Variants in ZFHX3 observed in about 807,000 individuals in gnomAD.
ZFHX3 encodes the protein zinc finger homeobox 3.
In ZFHX3, 42 loss-of-function variants were observed where a neutral mutation model predicts 279.1. The ratio of observed to expected loss-of-function variants is 0.15; its 90% CI spans 0.12 to 0.19. ZFHX3 has a LOEUF of 0.19. ZFHX3 is among the 10% of genes least tolerant of loss of function. The pLI is 1.00. For synonymous variants in ZFHX3, 2,293 were observed against 1,957.8 expected (o/e 1.17, Z -4.52); for missense variants, 4,981 against 4,754.0 (o/e 1.05, Z -1.40).
chr16:73,632,018 T>A (rs1207451215), intron 2 of ZFHX3, among the ~76,000 whole-genome samples: 1 of 151,814 alleles, frequency 6.6e-6, no homozygotes, highest in Non-Finnish European at 1.5e-5. Context: ...AAGTAAGCAA[T>A]TTTCTTTAAA....
At chr16:73,380,839 T>C (rs1294881498) in intron 3 of ZFHX3, among the ~76,000 whole-genome samples, 2 of 152,140 alleles carry the variant, frequency 1.3e-5, no homozygotes, top group African/African-American at 2.4e-5. Flanking sequence ...ACCCCATCTC[T>C]ACAAGAGGAA....
intron 5 of ZFHX3, among the ~76,000 whole-genome samples, chr16:73,175,355 A>G (rs1460231647): frequency 1.3e-5 from 2 of 151,836 alleles, no homozygotes; most frequent in Non-Finnish European, 2.9e-5. Context: ...ACTCTAGCCT[A>G]GGCAACAGAG....
chr16:72,953,072 A>G (rs1297100982), intron 2 of ZFHX3, among the ~76,000 whole-genome samples: 1 of 152,180 alleles, frequency 6.6e-6, no homozygotes, highest in East Asian at 1.9e-4. Context: ...TTGACGCTAC[A>G]CAAGTCACCT....
At chr16:73,434,683 G>C (rs575614551) in intron 3 of ZFHX3, among the ~76,000 whole-genome samples, 5 of 152,162 alleles carry the variant, frequency 3.3e-5, no homozygotes, top group African/African-American at 1.2e-4. Context: ...TAACATCATT[G>C]AGGTTGATCT....
upstream of ZFHX3, among the ~76,000 whole-genome samples, chr16:73,060,058 T>C (rs1290305630): frequency 6.6e-6 from 1 of 152,094 alleles, no homozygotes; most frequent in African/African-American, 2.4e-5. Flanking sequence ...AAAGCAGATG[T>C]TTTCAAAACA....
At position 72,839,088 on chromosome 16, in the gene ZFHX3, T is replaced by TC. The variant is rs1357858174; in HGVS notation, c.3449-9230dup. ...AGAGCCATGATTGTTGCTGTTACTTTCACACATGAAATGTAAAAAAGGCAA... is the reference window on the plus strand; with the variant it reads ...AGAGCCATGATTGTTGCTGTTACTTTCCACACATGAAATGTAAAAAAGGCAA... On this transcript the variant is annotated intron_variant, in intron 4 of 9. Transcript: ENST00000268489. 1.1e-4 allele frequency among the ~76,000 whole-genome samples: 16 copies of TC among 152,252 alleles called. No individual in the cohort carries two copies. The South Asian group carries it at 1.7e-3, about 16-fold the overall frequency.
At chr16:72,862,553 G>T (rs12596196) in intron 4 of ZFHX3, among the ~76,000 whole-genome samples, 1 of 152,170 alleles carries the variant, frequency 6.6e-6, no homozygotes, top group Admixed American at 6.5e-5. Context: ...TTTGGGCAAT[G>T]ATCATCAATG....
In ZFHX3 at chr16:73,617,741, C is replaced by A. The variant is rs192987566; in HGVS notation, c.-1547+62439G>T. Among the ~76,000 whole-genome samples, 555 of 152,132 alleles carry A rather than the reference C, an allele frequency of 3.6e-3. 4 individuals are homozygous for A. Among genetic ancestry groups the A allele is most frequent in the African/African-American group, 0.013 (521 of 41,506 alleles). ...GCAACTGTGTTATAAAAAAGTATAC[C>A]ATTGGGAGGGCTCTCAAAATGTTAA... On this transcript the variant is annotated intron_variant, in intron 2 of 17. Coordinates refer to the ZFHX3 transcript ENST00000641206.
intron 3 of ZFHX3, among the ~76,000 whole-genome samples, chr16:72,910,057 G>C (rs868323489): frequency 1.3e-5 from 2 of 151,984 alleles, no homozygotes; most frequent in Admixed American, 6.6e-5. Flanking sequence ...TAACTTTCTC[G>C]TCAGTGTGCT....
intron 5 of ZFHX3, among the ~76,000 whole-genome samples, chr16:73,163,231 G>C (rs1967281152): frequency 6.6e-6 from 1 of 152,188 alleles, no homozygotes; most frequent in African/African-American, 2.4e-5. Flanking sequence ...TACTGAGCCA[G>C]GTGCAGGGAT....
At chr16:72,821,809 G>A (rs1022955090) in intron 5 of ZFHX3, 30 of 152,204 alleles carry the variant, frequency 2.0e-4, no homozygotes, top group African/African-American at 7.2e-4. Context: ...CACAGAGTCT[G>A]GCACATAGTG....
chr16:72,827,216 C>T (rs2036954288), intron 5 of ZFHX3, among the ~76,000 whole-genome samples: 1 of 152,188 alleles, frequency 6.6e-6, no homozygotes, highest in Non-Finnish European at 1.5e-5. Context: ...CACATGCTGC[C>T]TTGCAACAGA....
At chr16:73,292,471 C>T (rs2014796886) in intron 4 of ZFHX3, among the ~76,000 whole-genome samples, 1 of 152,140 alleles carries the variant, frequency 6.6e-6, no homozygotes, top group African/African-American at 2.4e-5. Flanking sequence ...ATAGAAATGC[C>T]AGGTTTTATT....
intron 1 of ZFHX3, among the ~76,000 whole-genome samples, chr16:72,999,197 T>G (rs554980333): frequency 6.6e-6 from 1 of 152,366 alleles, no homozygotes; most frequent in East Asian, 1.9e-4. Flanking sequence ...TCGCCTAGGC[T>G]GGAGTGCAGT....
At chr16:72,985,648 CT>C (rs750425810) in intron 1 of ZFHX3, among the ~76,000 whole-genome samples, 11 of 152,180 alleles carry the variant, frequency 7.2e-5, no homozygotes, top group Non-Finnish European at 1.5e-4. Flanking sequence ...AAAAAGACGC[CT>C]TTAAAAAGTT....
At chr16:73,482,437 A>G (rs2018885843) in intron 2 of ZFHX3, among the ~76,000 whole-genome samples, 1 of 151,976 alleles carries the variant, frequency 6.6e-6, no homozygotes, top group Non-Finnish European at 1.5e-5. Flanking sequence ...CTTCTTTTGC[A>G]GGGCTGACCA....
chr16:73,197,939 T>G (rs921572119), intron 5 of ZFHX3, among the ~76,000 whole-genome samples: 13 of 133,756 alleles, frequency 9.7e-5, no homozygotes, highest in African/African-American at 2.0e-4. Flanking sequence ...TTTTTTTTTT[T>G]TTTTTTTTTT....
chr16:72,898,782 G>A (rs999147934), intron 3 of ZFHX3, among the ~76,000 whole-genome samples: 3 of 148,380 alleles, frequency 2.0e-5, no homozygotes, highest in Non-Finnish European at 3.0e-5. Flanking sequence ...TAGGTGCTTC[G>A]CCCATAGTAA....
chr16:73,645,417 C>T (rs555738816), intron 2 of ZFHX3, among the ~76,000 whole-genome samples: 52 of 152,092 alleles, frequency 3.4e-4, no homozygotes, highest in Non-Finnish European at 5.7e-4. Flanking sequence ...CCGCCACACC[C>T]GGCTAATTTT....
Sources: allele counts gnomAD v4.1 joint callset (sites outside exome capture counted in the v4.1 genomes callset), GRCh38; gene constraint gnomAD v4.1.1; transcripts MANE v1.5; gene names NCBI Gene and HGNC (gene_info 2026-07-23, HGNC 2026-07-21).